The following SPG7 variants were observed in gnomAD, a reference collection of about 807,000 sequenced individuals.
The protein encoded by SPG7 is SPG7 matrix AAA peptidase subunit, paraplegin, also known as mitochondrial inner membrane m-AAA protease component paraplegin.
A neutral mutation model predicts 81.9 loss-of-function variants in SPG7; 103 were observed. The ratio of observed to expected loss-of-function variants is 1.26; its 90% CI spans 1.07 to 1.48. The LOEUF (loss-of-function observed/expected upper bound fraction) is 1.48, where lower values mean the gene tolerates loss of function less well. SPG7 is among the 40% of genes most tolerant of loss of function. SPG7 has a pLI of 0.00. For synonymous variants in SPG7, 534 were observed against 444.2 expected (o/e 1.20, Z -2.54); for missense variants, 1,241 against 1,087.3 (o/e 1.14, Z -1.99).
At chr16:89,549,414 C>T in intron 12 of SPG7, 1 of 363,772 alleles carries the variant, frequency 2.7e-6, no homozygotes, top group Non-Finnish European at 5.4e-6. Context: ...AATCCCAGCA[C>T]TTTGGGGGCT....
rs2058653083 is a variant in SPG7, at chr16:89,553,134, TG to T, written c.1936+1del. 1 of 1,605,974 alleles carries T rather than the reference TG, an allele frequency of 6.2e-7. No homozygotes were observed. Among genetic ancestry groups the T allele is most frequent in the Admixed American group, 1.7e-5 (1 of 58,886 alleles). ...CACTGTCCTTCAACGAGGTCACTTC[TG>T]GTGAGGAGCAGCGGCGCGGGCCCTG... is the stretch of plus-strand genomic sequence containing the variant. ...EALSFNEVTS[G>X]AQDDLRKVTR... On this transcript the variant is annotated frameshift_variant and splice_region_variant, in exon 14 of 17. Transcript: ENST00000645818. LOFTEE classifies it high-confidence loss of function.
intron 9 of SPG7, chr16:89,537,212 A>G: frequency 7.0e-7 from 1 of 1,425,794 alleles, no homozygotes; most frequent in South Asian, 1.5e-5. Flanking sequence ...GGGAAATCTC[A>G]CTGGGGAAGA....
At chr16:89,542,332 A>G (rs1364580567) in intron 9 of SPG7, 1 of 152,210 alleles carries the variant, frequency 6.6e-6, no homozygotes, top group Non-Finnish European at 1.5e-5. Context: ...CTTGGGTCCC[A>G]GTCCCCACCC....
In SPG7 at chr16:89,537,603, C is replaced by G. The variant is rs1442484351; in HGVS notation, c.1324+4967C>G. ...CTGGAGTGCAGTGCCACCATCATAG[C>G]TCACTGCAGCCTCCACCTCCTAGGC... On this transcript the variant is annotated intron_variant, in intron 9 of 16. Coordinates refer to ENST00000645818, the MANE Select transcript of SPG7 (RefSeq NM_003119.4). 3.2e-6 allele frequency: 3 copies of G among 929,716 alleles called. No individual in the cohort carries two copies. The African/African-American group carries it at 5.4e-5, about 17-fold the overall frequency. 57.6% of individuals were successfully genotyped at this position (929,716 alleles called of 1,614,324 possible).
At chr16:89,512,063 C>A (rs1436059537) in intron 2 of SPG7, among the ~76,000 whole-genome samples, 1 of 152,072 alleles carries the variant, frequency 6.6e-6, no homozygotes, top group Non-Finnish European at 1.5e-5. Context: ...AGGTGCCCGC[C>A]ACTATGCCCG....
At chr16:89,522,088 G>A (rs2058195662) in intron 3 of SPG7, 1 of 152,216 alleles carries the variant, frequency 6.6e-6, no homozygotes, top group Non-Finnish European at 1.5e-5. Context: ...ACATAAATTT[G>A]CTCTCTGAAA....
intron 1 of SPG7, 101 bp downstream of exon 1, chr16:89,508,701 G>A: frequency 8.2e-7 from 1 of 1,214,898 alleles, no homozygotes; most frequent in Non-Finnish European, 1.1e-6. Context: ...CCTGCGGCGG[G>A]GGAGCCTGCG....
Position 89,512,934 on chromosome 16 carries a change from T to A in SPG7, c.287-14T>A. 6.2e-7 allele frequency: 1 copy of A among 1,612,390 alleles called. No homozygotes were observed. The highest frequency in any genetic ancestry group is 8.5e-7 in the Non-Finnish European group (1 of 1,178,878). ...CAAAACTTAATTGTTAAATCCTTTC[T>A]CTATTTCTCATAGGTGGTACTTTCT... is the stretch of plus-strand genomic sequence containing the variant. On this transcript the variant is annotated splice_polypyrimidine_tract_variant and intron_variant, in intron 2 of 16. Coordinates refer to ENST00000645818, the MANE Select transcript of SPG7 (RefSeq NM_003119.4).
intron 10 of SPG7, 70 bp from the exon 11 acceptor site, chr16:89,546,588 A>G: frequency 3.3e-6 from 3 of 915,028 alleles, no homozygotes; most frequent in East Asian, 2.7e-5. Flanking sequence ...CCCCCCACAG[A>G]CAAACATGCC....
chr16:89,531,285 G>A (rs2058339277), intron 7 of SPG7: 1 of 260,534 alleles, frequency 3.8e-6, no homozygotes, highest in South Asian at 4.7e-5. Flanking sequence ...GCACCTCGGG[G>A]CGCTGAGGCA....
At chr16:89,524,275 G>T (rs201624423) in intron 4 of SPG7, 28 bp downstream of exon 4, 2 of 1,596,054 alleles carry the variant, frequency 1.3e-6, no homozygotes, top group Non-Finnish European at 8.5e-7. Flanking sequence ...AGGCCTGTGA[G>T]TGAGGGTGTG....
intron 3 of SPG7, among the ~76,000 whole-genome samples, chr16:89,516,247 G>A (rs564589124): frequency 1.1e-4 from 16 of 148,254 alleles, no homozygotes; most frequent in African/African-American, 3.5e-4. Context: ...CTTGGTCTCC[G>A]AAAGTGCTGG....
At chr16:89,530,415 A>G in intron 6 of SPG7, 2 of 495,392 alleles carry the variant, frequency 4.0e-6, no homozygotes, top group Admixed American at 3.1e-5. Flanking sequence ...AAGTGCTAGG[A>G]TTACAGGCGT....
intron 3 of SPG7, among the ~76,000 whole-genome samples, chr16:89,515,007 G>A (rs1240505961): frequency 2.1e-5 from 3 of 146,134 alleles, no homozygotes; most frequent in Admixed American, 7.1e-5. Context: ...TGTGATCTCA[G>A]CTCACTGCAA....
chr16:89,528,267 C>T (rs184565003), intron 5 of SPG7, among the ~76,000 whole-genome samples: 2 of 152,068 alleles, frequency 1.3e-5, no homozygotes, highest in Admixed American at 6.6e-5. Flanking sequence ...TGGCGGGTGC[C>T]TGTAGTCCCA....
At chr16:89,546,230 G>A (rs364343) in intron 10 of SPG7, 60,510 of 308,064 alleles carry the variant, frequency 0.2, 6,160 homozygotes, top group South Asian at 0.22. Flanking sequence ...GGGATTACAG[G>A]CACCCGCCGT....
At position 89,510,255 on chromosome 16, in the gene SPG7, G is replaced by A. The variant is rs4238831; in HGVS notation, c.184-235G>A. ...CTCCCAAAGTGTTGGGATTACAGCC[G>A]TGAGCCACCACGCCTGGCCAATTAC... On this transcript the variant is annotated intron_variant, in intron 1 of 16. Transcript: ENST00000645818. 0.43 allele frequency among the ~76,000 whole-genome samples: 65,753 copies of A among 151,814 alleles called. 14,762 individuals carry two copies. The highest frequency in any genetic ancestry group is 0.67 in the East Asian group (3,459 of 5,158).
chr16:89,548,915 C>T, intron 12 of SPG7: 1 of 453,814 alleles, frequency 2.2e-6, no homozygotes, highest in South Asian at 1.6e-5. Flanking sequence ...CGAGCTATCC[C>T]TGCGAGAACC....
rs371739639 is a variant in SPG7 at position 89,553,785 on chromosome 16, G to A, written c.1937-9G>A. Reference sequence around the variant, plus strand: ...CTGAGGATGCCTCTGTCTCGACCCCGCCCTCCAGGGGCACAGGACGACCTG... The same window carrying A: ...CTGAGGATGCCTCTGTCTCGACCCCACCCTCCAGGGGCACAGGACGACCTG... On this transcript the variant is annotated splice_polypyrimidine_tract_variant and intron_variant, in intron 14 of 16. Coordinates refer to ENST00000645818, the MANE Select transcript of SPG7 (RefSeq NM_003119.4). 3.8e-5 allele frequency: 62 copies of A among 1,613,190 alleles called. No individual in the cohort carries two copies. The African/African-American group carries it at 4.4e-4, about 11-fold the overall frequency.
Sources: gnomAD v4.1 joint callset for allele counts (sites outside exome capture counted in the v4.1 genomes callset) on GRCh38, gnomAD v4.1.1 for gene constraint, MANE v1.5 for transcripts, NCBI Gene and HGNC (gene_info 2026-07-23, HGNC 2026-07-21) for gene names.